Variants in CAND1 observed in about 807,000 individuals in gnomAD.
The protein encoded by CAND1 is cullin-associated NEDD8-dissociated protein 1.
Under a neutral mutation model 108.5 loss-of-function variants are expected in CAND1, and 7 were observed. The ratio of observed to expected loss-of-function variants is 0.06; its 90% CI spans 0.04 to 0.12. CAND1 has a LOEUF of 0.12. Among genes scored for constraint, CAND1 ranks in the 10% least tolerant of loss-of-function variants. CAND1 has a pLI of 1.00. For missense variants in CAND1, 941 were observed against 1,448.7 expected (o/e 0.65, Z 5.69); for synonymous variants, 534 against 512.0 (o/e 1.04, Z -0.58).
intron 6 of CAND1, 27 bp downstream of exon 6, chr12:67,297,880 A>G (rs1418686056): frequency 7.1e-7 from 1 of 1,404,174 alleles, no homozygotes; most frequent in Non-Finnish European, 9.9e-7. Flanking sequence ...TCTATTTTTT[A>G]CAAAAAGTTT....
chr12:67,292,878 C>G, intron 3 of CAND1, 102 bp downstream of exon 3: 1 of 1,032,264 alleles, frequency 9.7e-7, no homozygotes, highest in Non-Finnish European at 1.5e-6. Context: ...GGTGGCTGTC[C>G]TTACAGATGT....
rs1442306801 is a variant in CAND1, at chr12:67,319,349, A to G, written c.*6519A>G. ...TCCCTTGCCTTCTCAAGTTTGCTCA[A>G]GGTCAAGTTATGCCTTTTGCCTGGA... On this transcript the variant is annotated 3_prime_UTR_variant, in exon 15 of 15. Transcript: ENST00000545606. 1 of 152,206 alleles carries G rather than the reference A, an allele frequency of 6.6e-6. No individual in the cohort carries two copies. The highest frequency in any genetic ancestry group is 2.4e-5 in the African/African-American group (1 of 41,452). 9.4% of individuals were successfully genotyped at this position (152,206 alleles called of 1,614,324 possible). A position where few individuals can be genotyped will look rare whatever the true frequency, so the allele number is the denominator to read the frequency against.
intron 3 of CAND1, chr12:67,293,106 T>C (rs2044736862): frequency 1.2e-5 from 3 of 260,082 alleles, no homozygotes; most frequent in Admixed American, 5.9e-5. Flanking sequence ...AACCAAAATA[T>C]TGCATCCTGA....
chr12:67,301,117 T>C (rs2044821040), intron 7 of CAND1, among the ~76,000 whole-genome samples: 1 of 152,178 alleles, frequency 6.6e-6, no homozygotes, highest in African/African-American at 2.4e-5. Context: ...TTATGTGCTC[T>C]TAACTTGATA....
In CAND1 at chr12:67,313,486, T is replaced by C. The variant is rs2044975813; in HGVS notation, c.*656T>C. ...CAGCATGTGCAGATTATTCATAATA[T>C]AGAAGTTAAAATAAGTATTAGTGCA... is the stretch of plus-strand genomic sequence containing the variant. On this transcript the variant is annotated 3_prime_UTR_variant, in exon 15 of 15. Coordinates refer to ENST00000545606, the MANE Select transcript of CAND1 (RefSeq NM_018448.5). 1 of 152,650 alleles carries C rather than the reference T, an allele frequency of 6.6e-6. No homozygotes were observed. The highest frequency in any genetic ancestry group is 1.5e-5 in the Non-Finnish European group (1 of 68,030). The allele number at this position is 152,650 out of a possible 1,614,324, so 9.5% of individuals were successfully genotyped here.
At position 67,311,761 on chromosome 12, in the gene CAND1, C is replaced by T. The variant is rs2044952370; in HGVS notation, c.3429C>T (p.Asp1143=). 1 of 1,611,562 alleles carries T rather than the reference C, an allele frequency of 6.2e-7. No homozygotes were observed. The highest frequency in any genetic ancestry group is 8.5e-7 in the Non-Finnish European group (1 of 1,177,958). The change falls in exon 14 of 15, where the codon GAC becomes GAT. Residue 1143 remains aspartate, a synonymous_variant. Transcript: ENST00000545606. ...CAAGTGCAGTACTGCAGAGGTTGGA[C>T]CGACTTGTTGAGCCATTACGTGCAA... ...LCPSAVLQRL[D]RLVEPLRATC...
At chr12:67,289,772 A>G (rs1179595478) in intron 2 of CAND1, among the ~76,000 whole-genome samples, 3 of 152,100 alleles carry the variant, frequency 2.0e-5, no homozygotes, top group Admixed American at 1.3e-4. Flanking sequence ...TGTATCTGCC[A>G]TGTTTCAGTT....
At chr12:67,298,427 G>T (rs544735937) in intron 6 of CAND1, among the ~76,000 whole-genome samples, 2 of 152,282 alleles carry the variant, frequency 1.3e-5, no homozygotes, top group Admixed American at 6.5e-5. Context: ...CTGGTTTTGA[G>T]AAGTGGCTTT....
At chr12:67,300,135 G>A (rs1410587540) in intron 7 of CAND1, among the ~76,000 whole-genome samples, 1 of 152,096 alleles carries the variant, frequency 6.6e-6, no homozygotes, top group East Asian at 1.9e-4. Context: ...CTCAGTCTCG[G>A]CAACATTTCT....
intron 1 of CAND1, among the ~76,000 whole-genome samples, chr12:67,274,961 G>C (rs750299764): frequency 2.6e-5 from 4 of 152,204 alleles, no homozygotes; most frequent in Non-Finnish European, 5.9e-5. Context: ...TTAAGTACTT[G>C]TGCTTGGAGA....
rs1324262520 is a variant in CAND1 at position 67,311,811 on chromosome 12, A to AT, written c.3468+12dup. 2.6e-6 allele frequency: 4 copies of AT among 1,511,110 alleles called. No homozygotes were observed. The highest frequency in any genetic ancestry group is 3.3e-5 in the Admixed American group (2 of 59,828). 93.6% of individuals were successfully genotyped at this position (1,511,110 alleles called of 1,614,324 possible). A position where few individuals can be genotyped will look rare whatever the true frequency, so the allele number is the denominator to read the frequency against. On this transcript the variant is annotated intron_variant, in intron 14 of 14. Coordinates refer to ENST00000545606, the MANE Select transcript of CAND1 (RefSeq NM_018448.5). Reference sequence around the variant, plus strand: ...ACATGTACAACTAAGGTAAGAAATGATAAGTATCAACCTAGGTCAGACTTG... The same window carrying AT: ...ACATGTACAACTAAGGTAAGAAATGATTAAGTATCAACCTAGGTCAGACTTG...
chr12:67,284,801 A>G (rs1411204279), intron 2 of CAND1, among the ~76,000 whole-genome samples: 1 of 152,020 alleles, frequency 6.6e-6, no homozygotes, highest in South Asian at 2.1e-4. Context: ...ACATACACAC[A>G]CTTACTTCAG....
At chr12:67,270,709 G>C (rs1431893989) in intron 1 of CAND1, 1 of 148,164 alleles carries the variant, frequency 6.7e-6, no homozygotes, top group African/African-American at 2.5e-5. Context: ...TTCCTTGCAC[G>C]CTTCGGTGAT....
At chr12:67,284,313 A>G (rs2044647708) in intron 2 of CAND1, among the ~76,000 whole-genome samples, 1 of 152,104 alleles carries the variant, frequency 6.6e-6, no homozygotes, top group Admixed American at 6.5e-5. Context: ...GATTAGCTTC[A>G]TTTAAATGTT....
At chr12:67,295,350 T>A (rs1449385165) in intron 4 of CAND1, among the ~76,000 whole-genome samples, 194 bp downstream of exon 4, 2 of 152,218 alleles carry the variant, frequency 1.3e-5, no homozygotes, top group Non-Finnish European at 2.9e-5. Context: ...TATATAATAT[T>A]GTATAGTAAA....
chr12:67,312,510 G>A (rs1320164084), intron 14 of CAND1, 96 bp from the exon 15 acceptor site: 1 of 694,404 alleles, frequency 1.4e-6, no homozygotes, highest in African/African-American at 1.8e-5. Context: ...GGACCTACGA[G>A]AGTAGCTTTT....
At chr12:67,298,601 A>G (rs1353883883) in intron 6 of CAND1, among the ~76,000 whole-genome samples, 2 of 152,176 alleles carry the variant, frequency 1.3e-5, no homozygotes, top group East Asian at 1.9e-4. Context: ...ATGCACTGGC[A>G]TTTCCACAAA....
At position 67,304,702 on chromosome 12, in the gene CAND1, T is replaced by G. The variant is rs746849957; in HGVS notation, c.1391T>G (p.Val464Gly). Residue 464 changes from valine (V) to glycine (G), a missense_variant, in exon 9 of 15, where the codon GTA becomes GGA. Val to Gly is a moderately radical substitution (Grantham distance 109). Transcript: ENST00000545606. ...CFNMLTELVN[V>G]LPGALTQHIP... ...AACATGTTAACTGAGCTGGTAAATG[T>G]ATTACCTGGGGCCCTAACTCAACAC... 6.2e-7 allele frequency: 1 copy of G among 1,613,876 alleles called. No individual in the cohort carries two copies. Among genetic ancestry groups the G allele is most frequent in the Middle Eastern group, 1.7e-4 (1 of 6,060 alleles).
At chr12:67,311,316 T>C (rs1224771438) in intron 13 of CAND1, 1 of 152,176 alleles carries the variant, frequency 6.6e-6, no homozygotes, top group Non-Finnish European at 1.5e-5. Flanking sequence ...TATGAAATTG[T>C]GTTCCAGTTC....
Sources: allele counts gnomAD v4.1 joint callset (sites outside exome capture counted in the v4.1 genomes callset), GRCh38; gene constraint gnomAD v4.1.1; transcripts MANE v1.5; gene names NCBI Gene and HGNC (gene_info 2026-07-23, HGNC 2026-07-21).